Variants in CYFIP1 observed in about 807,000 individuals in gnomAD.
CYFIP1 encodes cytoplasmic FMR1 interacting protein 1.
In CYFIP1, 58 loss-of-function variants were observed where a neutral mutation model predicts 163.5. The observed-to-expected ratio is 0.35, with a 90% confidence interval of 0.29 to 0.44. The LOEUF is 0.44. Among genes scored for constraint, CYFIP1 ranks in the 20% least tolerant of loss-of-function variants. The pLI is 1.00. For missense variants in CYFIP1, 1,338 were observed against 1,653.8 expected, an observed-to-expected ratio of 0.81 and a Z score of 3.31; for synonymous variants, 663 against 660.7, an observed-to-expected ratio of 1.00 and a Z score of -0.05.
intron 18 of CYFIP1, among the ~76,000 whole-genome samples, chr15:22,911,817 A>T (rs2060796814): frequency 6.6e-6 from 1 of 152,200 alleles, no homozygotes. Flanking sequence ...TGTCCTATAG[A>T]AGTCATGCGA....
At chr15:22,942,884 T>C (rs3816308) in intron 6 of CYFIP1, among the ~76,000 whole-genome samples, 2,265 of 152,278 alleles carry the variant, frequency 0.015, 80 homozygotes, top group East Asian at 0.097. Flanking sequence ...CTACATCTTG[T>C]GCATGTCTGT....
At chr15:22,939,689 C>G (rs1410492501) in intron 6 of CYFIP1, among the ~76,000 whole-genome samples, 182 bp from the exon 7 acceptor site, 3 of 152,104 alleles carry the variant, frequency 2.0e-5, no homozygotes, top group African/African-American at 7.2e-5. Context: ...TGGCCCTGCA[C>G]TCCAGGTCAG....
At chr15:22,930,239 C>T (rs1478256382) in intron 11 of CYFIP1, among the ~76,000 whole-genome samples, 2 of 149,750 alleles carry the variant, frequency 1.3e-5, no homozygotes, top group African/African-American at 4.9e-5. Flanking sequence ...AACACACACA[C>T]AAAAATTAGC....
At chr15:22,872,486 A>G (rs1169896066) in intron 30 of CYFIP1, among the ~76,000 whole-genome samples, 1 of 152,180 alleles carries the variant, frequency 6.6e-6, no homozygotes, top group African/African-American at 2.4e-5. Flanking sequence ...GGATCCATAA[A>G]GCAACAAAGA....
At chr15:22,955,598 G>A (rs1463402372) in intron 1 of CYFIP1, among the ~76,000 whole-genome samples, 1 of 152,190 alleles carries the variant, frequency 6.6e-6, no homozygotes, top group African/African-American at 2.4e-5. Context: ...GAAAGTTGGA[G>A]ACAGCAGGCC....
intron 1 of CYFIP1, among the ~76,000 whole-genome samples, chr15:22,952,371 T>C (rs1258266154): frequency 3.3e-5 from 5 of 151,826 alleles, no homozygotes; most frequent in Non-Finnish European, 7.4e-5. Flanking sequence ...ATGGTGAAGA[T>C]GGGGGAGGAC....
chr15:22,965,463 T>C (rs1304871404), intron 1 of CYFIP1, among the ~76,000 whole-genome samples: 1 of 152,208 alleles, frequency 6.6e-6, no homozygotes, highest in Non-Finnish European at 1.5e-5. Flanking sequence ...ACACAAATAC[T>C]CTTAACCACA....
At chr15:22,900,989 G>A (rs942298136) in intron 22 of CYFIP1, among the ~76,000 whole-genome samples, 3 of 151,842 alleles carry the variant, frequency 2.0e-5, no homozygotes, top group African/African-American at 7.3e-5. Flanking sequence ...GATCATCTCA[G>A]GTCAGGAGTT....
In CYFIP1 at chr15:22,883,006, C is replaced by G. The variant is rs752649591; in HGVS notation, c.2682G>C (p.Leu894Phe). ...QPQYLHGSKA[L>F]NLAYSSIYGS... The stretch of plus-strand genomic sequence containing the variant: ...CGTAAATGCTGGAGTAGGCCAAGTT[C>G]AAAGCCTGGAAAACAGGGCACAGAG... The change falls in exon 24 of 31, where the codon TTG (leucine) becomes TTC (phenylalanine). Residue 894 changes from leucine (L) to phenylalanine (F), a missense_variant. Physicochemically the swap from Leu to Phe is conservative, Grantham distance 22. Coordinates refer to ENST00000617928, the MANE Select transcript of CYFIP1 (RefSeq NM_014608.6). 1.2e-6 allele frequency: 2 copies of G among 1,613,556 alleles called. No homozygotes were observed. The highest frequency in any genetic ancestry group is 1.7e-6 in the Non-Finnish European group (2 of 1,179,636).
At chr15:22,924,057 A>G (rs986606613) in intron 13 of CYFIP1, among the ~76,000 whole-genome samples, 1 of 152,158 alleles carries the variant, frequency 6.6e-6, no homozygotes, top group Non-Finnish European at 1.5e-5. Flanking sequence ...AATACAATGT[A>G]ACATATCCAT....
chr15:22,937,026 C>T (rs755724530), intron 9 of CYFIP1, 78 bp downstream of exon 9: 4 of 960,088 alleles, frequency 4.2e-6, no homozygotes, highest in Non-Finnish European at 5.0e-6. Flanking sequence ...AGATCACAGT[C>T]ACACAGGGGC....
chr15:22,913,580 A>T (rs1434090060), intron 17 of CYFIP1, among the ~76,000 whole-genome samples: 1 of 140,480 alleles, frequency 7.1e-6, no homozygotes, highest in Admixed American at 7.4e-5. Flanking sequence ...AAAAAATTAC[A>T]CCAACGGAAG....
intron 12 of CYFIP1, among the ~76,000 whole-genome samples, chr15:22,926,997 G>T (rs1237588037): frequency 6.6e-6 from 1 of 152,090 alleles, no homozygotes; most frequent in Non-Finnish European, 1.5e-5. Context: ...CCCCTATTAT[G>T]CATCAATACA....
rs2059273417 is a variant in CYFIP1, at chr15:22,868,197, C to T, written c.*1831G>A. 6.6e-6 allele frequency: 1 copy of T among 152,162 alleles called. No individual in the cohort carries two copies. The highest frequency in any genetic ancestry group is 2.1e-4 in the South Asian group (1 of 4,826). 9.4% of individuals were successfully genotyped at this position (152,162 alleles called of 1,614,324 possible). A position where few individuals can be genotyped will look rare whatever the true frequency, so the allele number is the denominator to read the frequency against. ...ACTTTATTATTGGCCTTCTAAGGAG[C>T]TGTTTTAGATGTTTTTTCTAACTGC... On this transcript the variant is annotated 3_prime_UTR_variant, in exon 31 of 31. Coordinates refer to ENST00000617928, the MANE Select transcript of CYFIP1 (RefSeq NM_014608.6).
chr15:22,868,371 A>G lies in CYFIP1; in HGVS notation c.*1657T>C, dbSNP rs2059296953. ...ACATGCATAGGTTAATAAATAATAA[A>G]TTCTTATTTAACATTTTGTAGCACT... On this transcript the variant is annotated 3_prime_UTR_variant, in exon 31 of 31. Transcript: ENST00000617928. 6.8e-6 allele frequency: 1 copy of G among 147,422 alleles called. No individual in the cohort carries two copies. Among genetic ancestry groups the G allele is most frequent in the East Asian group, 1.9e-4 (1 of 5,186 alleles). 9.1% of individuals were successfully genotyped at this position (147,422 alleles called of 1,614,324 possible).
At position 22,873,703 on chromosome 15, in the gene CYFIP1, G is replaced by T; in HGVS notation, c.3237C>A (p.Asp1079Glu). 4.3e-6 allele frequency: 7 copies of T among 1,613,506 alleles called. No individual in the cohort carries two copies. Among genetic ancestry groups the T allele is most frequent in the Non-Finnish European group, 5.9e-6 (7 of 1,179,448 alleles). ...AGCAGAGGCGCTCCTTTGTCAGCAG[G>T]TCCCCCTCTCTTGCGATGGCAATTT... ...PQQIAIAREGDLLTKERLCCG... is the reference protein window; with the variant it reads ...PQQIAIAREGELLTKERLCCG... The change falls in exon 29 of 31, where the codon GAC becomes GAA. Residue 1079 changes from aspartate to glutamate, a missense_variant. Coordinates refer to ENST00000617928, the MANE Select transcript of CYFIP1 (RefSeq NM_014608.6).
At chr15:22,900,859 T>C (rs2060373689) in intron 22 of CYFIP1, among the ~76,000 whole-genome samples, 1 of 151,794 alleles carries the variant, frequency 6.6e-6, no homozygotes, top group South Asian at 2.1e-4. Context: ...AATAAACAAA[T>C]GCTACCACGT....
At chr15:22,880,562 G>A (rs1223318811) in intron 25 of CYFIP1, among the ~76,000 whole-genome samples, 3 of 152,168 alleles carry the variant, frequency 2.0e-5, no homozygotes, top group Non-Finnish European at 4.4e-5. Context: ...ACAAAAAGAC[G>A]CAAGGTGCAA....
chr15:22,910,109 A>G (rs1444582915), intron 20 of CYFIP1, among the ~76,000 whole-genome samples: 2 of 152,310 alleles, frequency 1.3e-5, no homozygotes, highest in African/African-American at 2.4e-5. Context: ...CACAGTCACA[A>G]GGCATGCTGA....
Sources: allele counts gnomAD v4.1 joint callset (sites outside exome capture counted in the v4.1 genomes callset), GRCh38; gene constraint gnomAD v4.1.1; transcripts MANE v1.5; gene names NCBI Gene and HGNC (gene_info 2026-07-23, HGNC 2026-07-21).